The following RAD51B variants were observed in gnomAD, a reference collection of about 807,000 sequenced individuals.
RAD51B encodes the protein DNA repair protein RAD51 homolog 2.
In RAD51B, 38 loss-of-function variants were observed where a neutral mutation model predicts 42.2. That is an observed-to-expected ratio of 0.90 (90% confidence interval 0.70 to 1.18). The LOEUF (loss-of-function observed/expected upper bound fraction) is 1.18. RAD51B is among the 50% of genes most tolerant of loss of function. The pLI, the probability that RAD51B is intolerant of heterozygous loss-of-function variation, is 0.00. For missense variants in RAD51B, 373 were observed against 400.7 expected (o/e 0.93, Z 0.59); for synonymous variants, 154 against 145.2 (o/e 1.06, Z -0.43).
chr14:68,107,212 A>C (rs1242461226), intron 7 of RAD51B, among the ~76,000 whole-genome samples: 1 of 151,848 alleles, frequency 6.6e-6, no homozygotes. Flanking sequence ...TTAGTGCTCC[A>C]TGAGAGCTAG....
chr14:68,253,630 AAC>A (rs1820636736), intron 7 of RAD51B, among the ~76,000 whole-genome samples: 1 of 152,376 alleles, frequency 6.6e-6, no homozygotes, highest in Middle Eastern at 3.4e-3. Flanking sequence ...ATTTCTTTAA[AAC>A]ACATAAAATG....
chr14:67,932,766 A>G (rs1222567475), intron 7 of RAD51B, among the ~76,000 whole-genome samples: 2 of 152,176 alleles, frequency 1.3e-5, no homozygotes, highest in Admixed American at 6.5e-5. Flanking sequence ...CTTGGCAGCA[A>G]CAGTACTGTA....
intron 6 of RAD51B, 23 bp from the exon 7 acceptor site, chr14:67,886,998 T>A: frequency 7.2e-7 from 1 of 1,387,210 alleles, no homozygotes; most frequent in Non-Finnish European, 9.8e-7. Flanking sequence ...TTATTGACTA[T>A]TTTATAAATT....
At chr14:68,098,646 G>A (rs1206545753) in intron 7 of RAD51B, among the ~76,000 whole-genome samples, 1 of 152,124 alleles carries the variant, frequency 6.6e-6, no homozygotes, top group East Asian at 1.9e-4. Context: ...GAACAGTATG[G>A]GGGAAACTGC....
At chr14:68,608,075 G>A (rs1196281451) in intron 10 of RAD51B, among the ~76,000 whole-genome samples, 1 of 152,208 alleles carries the variant, frequency 6.6e-6, no homozygotes, top group Non-Finnish European at 1.5e-5. Context: ...TCTGCTGAGG[G>A]CGGTAGGCCT....
At chr14:68,182,420 T>C (rs920497073) in intron 7 of RAD51B, among the ~76,000 whole-genome samples, 11 of 152,268 alleles carry the variant, frequency 7.2e-5, no homozygotes, top group African/African-American at 2.7e-4. Flanking sequence ...ACAGAGAATA[T>C]GTGAGTTCTG....
chr14:67,974,580 G>T (rs943915607), intron 7 of RAD51B, among the ~76,000 whole-genome samples: 2 of 152,014 alleles, frequency 1.3e-5, no homozygotes, highest in Non-Finnish European at 2.9e-5. Context: ...CATAAGGAGG[G>T]TATAGGCCTA....
At chr14:68,034,719 CA>C (rs1256934512) in intron 7 of RAD51B, among the ~76,000 whole-genome samples, 5 of 151,712 alleles carry the variant, frequency 3.3e-5, no homozygotes, top group African/African-American at 7.3e-5. Flanking sequence ...CCACTTTTAG[CA>C]AAAAAGGTAA....
chr14:68,429,425 T>C (rs1021209115), intron 9 of RAD51B, among the ~76,000 whole-genome samples: 11 of 152,342 alleles, frequency 7.2e-5, no homozygotes, highest in Admixed American at 5.9e-4. Context: ...TGTTGTTTCC[T>C]GACTTTTTAA....
At chr14:68,167,289 C>T (rs150661643) in intron 7 of RAD51B, among the ~76,000 whole-genome samples, 1 of 152,132 alleles carries the variant, frequency 6.6e-6, no homozygotes, top group African/African-American at 2.4e-5. Context: ...TCTACATTCT[C>T]TCCACCCACT....
intron 8 of RAD51B, among the ~76,000 whole-genome samples, chr14:68,373,744 C>T (rs2083307267): frequency 6.6e-6 from 1 of 152,126 alleles, no homozygotes; most frequent in Non-Finnish European, 1.5e-5. Flanking sequence ...ATGTAAGAAA[C>T]CTGCACATTC....
chr14:68,036,674 T>C (rs975044834), intron 7 of RAD51B, among the ~76,000 whole-genome samples: 43 of 152,320 alleles, frequency 2.8e-4, no homozygotes, highest in African/African-American at 9.6e-4. Context: ...TGAAAACATA[T>C]ATTCCAATAC....
At chr14:68,316,315 C>G (rs2082060802) in intron 8 of RAD51B, among the ~76,000 whole-genome samples, 1 of 152,206 alleles carries the variant, frequency 6.6e-6, no homozygotes, top group Non-Finnish European at 1.5e-5. Flanking sequence ...GGAATTGGTT[C>G]CAGTTTACCA....
chr14:68,167,454 C>G (rs2078776680), intron 7 of RAD51B, among the ~76,000 whole-genome samples: 2 of 152,078 alleles, frequency 1.3e-5, no homozygotes, highest in Non-Finnish European at 2.9e-5. Context: ...CCTTCCCTTC[C>G]TGCTTTATTG....
chr14:67,867,066 A>T (rs1272235826), intron 5 of RAD51B, among the ~76,000 whole-genome samples: 5 of 152,212 alleles, frequency 3.3e-5, no homozygotes, highest in Non-Finnish European at 7.3e-5. Context: ...AGGTCTGGTG[A>T]TAGGGCCAAG....
At chr14:67,980,924 A>T (rs1475728528) in intron 7 of RAD51B, among the ~76,000 whole-genome samples, 1 of 152,242 alleles carries the variant, frequency 6.6e-6, no homozygotes, top group African/African-American at 2.4e-5. Flanking sequence ...TCTTGAAAAG[A>T]GAATGAGAAG....
At chr14:68,414,068 G>C (rs758648685) in intron 9 of RAD51B, among the ~76,000 whole-genome samples, 1 of 152,118 alleles carries the variant, frequency 6.6e-6, no homozygotes, top group Non-Finnish European at 1.5e-5. Flanking sequence ...CTTAGTTTCA[G>C]ATCACAGGCC....
At chr14:68,029,617 C>A (rs1487260627) in intron 7 of RAD51B, among the ~76,000 whole-genome samples, 3 of 152,214 alleles carry the variant, frequency 2.0e-5, no homozygotes, top group Non-Finnish European at 4.4e-5. Flanking sequence ...GCAGTTACTT[C>A]CTTCACTGGA....
chr14:68,285,483 G>A (rs1196022574), intron 7 of RAD51B, among the ~76,000 whole-genome samples: 3 of 152,196 alleles, frequency 2.0e-5, no homozygotes, highest in Non-Finnish European at 4.4e-5. Context: ...TGCCAGGCGG[G>A]TTGGTGAGTA....
Sources: allele counts gnomAD v4.1 joint callset (sites outside exome capture counted in the v4.1 genomes callset), GRCh38; gene constraint gnomAD v4.1.1; transcripts MANE v1.5; gene names NCBI Gene and HGNC (gene_info 2026-07-23, HGNC 2026-07-21).